The following PPL variants were observed in gnomAD, a reference collection of about 807,000 sequenced individuals.
The protein encoded by PPL is periplakin, also known as 190 kDa paraneoplastic pemphigus antigen.
PPL carries 198 observed loss-of-function variants against 194.4 expected under a neutral mutation model. The observed-to-expected ratio is 1.02, with a 90% confidence interval of 0.91 to 1.15. PPL has a LOEUF of 1.15. Ranked by LOEUF, PPL falls within the 50% of genes most tolerant of loss-of-function variation. The pLI is 0.00. For missense variants in PPL, 2,885 were observed against 2,294.8 expected (o/e 1.26, Z -5.25); for synonymous variants, 1,220 against 972.4 (o/e 1.25, Z -4.74).
chr16:4,887,134 C>T lies in PPL; in HGVS notation c.2607+1G>A, dbSNP rs2088231254. ...TAGAATTTCTTACTAAGATCAGTTA[C>T]CTGTCTGAGGAGATTCAGAGCAAAC... On this transcript the variant is annotated splice_donor_variant, in intron 21 of 21. Transcript: ENST00000345988. LOFTEE classifies it high-confidence loss of function. The T allele has an allele frequency of 6.2e-7, 1 of 1,607,660 alleles. No individual in the cohort carries two copies. The highest frequency in any genetic ancestry group is 1.1e-5 in the South Asian group (1 of 90,958).
At chr16:4,889,323 C>T (rs1310679147) in intron 18 of PPL, among the ~76,000 whole-genome samples, 2 of 137,328 alleles carry the variant, frequency 1.5e-5, no homozygotes, top group South Asian at 5.0e-4. Context: ...GGCGCGATCT[C>T]AGCTCACTGC....
chr16:4,896,493 T>C (rs903320314), intron 9 of PPL, among the ~76,000 whole-genome samples: 4 of 152,046 alleles, frequency 2.6e-5, no homozygotes, highest in South Asian at 2.1e-4. Flanking sequence ...AGGGCAGAGA[T>C]TGCATGATCC....
chr16:4,894,317 T>C, intron 12 of PPL, 150 bp downstream of exon 12: 1 of 990,220 alleles, frequency 1.0e-6, no homozygotes, highest in Non-Finnish European at 1.5e-6. Flanking sequence ...GCCCCTCTCC[T>C]GCATGAACTT....
rs781420537 is a variant in PPL at position 4,899,065 on chromosome 16, C to T, written c.824G>A (p.Ser275Asn). The change falls in exon 8 of 22, where the codon AGC becomes AAC. Residue 275 changes from serine (S) to asparagine (N), a missense_variant. Physicochemically the swap from Ser to Asn is conservative, Grantham distance 46. Coordinates refer to ENST00000345988, the MANE Select transcript of PPL (RefSeq NM_002705.5). ...AKEERINKLH[S>N]EGDQLLAAEH... ...GGCCGCCAGCAGCTGGTCGCCCTCGCTGTGCAGTTTGTTGATTCTCTCCTC... is the reference window on the plus strand; with the variant it reads ...GGCCGCCAGCAGCTGGTCGCCCTCGTTGTGCAGTTTGTTGATTCTCTCCTC... The T allele has an allele frequency of 6.8e-6, 11 of 1,613,110 alleles. No homozygotes were observed. Among genetic ancestry groups the T allele is most frequent in the Non-Finnish European group, 9.3e-6 (11 of 1,179,594 alleles).
In PPL at chr16:4,884,784, C is replaced by G. The variant is rs533695940; in HGVS notation, c.3871G>C (p.Val1291Leu). Residue 1291 changes from valine (V) to leucine (L), a missense_variant, in exon 22 of 22, where the codon GTG (valine) becomes CTG (leucine). By Grantham distance (32) the Val-to-Leu change is conservative. Coordinates refer to ENST00000345988, the MANE Select transcript of PPL (RefSeq NM_002705.5). The surrounding 1 kb of genome is among the most constrained non-coding windows in gnomAD (Gnocchi z 5.7). ...TGGAATTGGAGGATCTCCTGGACCA[C>G]CTCTTTGGTCTGGACCTGGGGTTTG... ...DTKPQVQTKE[V>L]VQEILQFQED... 4 of 1,614,154 alleles carry G rather than the reference C, an allele frequency of 2.5e-6. No individual in the cohort carries two copies. The highest frequency in any genetic ancestry group is 3.4e-6 in the Non-Finnish European group (4 of 1,180,034).
chr16:4,884,319 T>C lies in PPL; in HGVS notation c.4336A>G (p.Lys1446Glu), dbSNP rs779938087. ...TGCGGGTCCTGCTGCAGCACCACCT[T>C]CTGCGTATGGGTTACCTTCTCACGG... ...EAREKVTHTQ[K>E]VVLQQDPQQA... Residue 1446 changes from lysine to glutamate, a missense_variant, in exon 22 of 22, where the codon AAG becomes GAG. By Grantham distance (56) the Lys-to-Glu change is moderately conservative. Transcript: ENST00000345988. The surrounding 1 kb of genome is among the most constrained non-coding windows in gnomAD (Gnocchi z 5.7). 4.3e-6 allele frequency: 7 copies of C among 1,612,636 alleles called. No individual in the cohort carries two copies. The highest frequency in any genetic ancestry group is 1.7e-6 in the Non-Finnish European group (2 of 1,179,646).
Position 4,937,088 on chromosome 16 carries a change from CGCGCACCGAGGGGCGGGCGGGA to C in PPL, c.-65_-44del. 8.0e-7 allele frequency: 1 copy of C among 1,242,476 alleles called. No individual in the cohort carries two copies. The highest frequency in any genetic ancestry group is 1.0e-6 in the Non-Finnish European group (1 of 987,950). The allele number at this position is 1,242,476 out of a possible 1,614,324, so 77.0% of individuals were successfully genotyped here. ...GGGCGGCGGCGGCTGGCGGGCCGGG[CGCGCACCGAGGGGCGGGCGGGA>C]GCGCAGGTGAGCGAGCGGCGGCGCG... On this transcript the variant is annotated 5_prime_UTR_variant, in exon 1 of 22. Transcript: ENST00000345988.
At chr16:4,904,500 A>C (rs1267270972) in intron 2 of PPL, among the ~76,000 whole-genome samples, 1 of 152,150 alleles carries the variant, frequency 6.6e-6, no homozygotes, top group Non-Finnish European at 1.5e-5. Flanking sequence ...GAGGGGACCT[A>C]CTTCAGCTCT....
intron 18 of PPL, 66 bp downstream of exon 18, chr16:4,890,118 G>C: frequency 1.9e-6 from 3 of 1,610,458 alleles, no homozygotes; most frequent in Non-Finnish European, 2.5e-6. Flanking sequence ...CCCCAGAAAG[G>C]GGCTTGTTGA....
In PPL at chr16:4,914,774, G is replaced by A. The variant is rs1476498126; in HGVS notation, c.63-3825C>T. Reference sequence around the variant, plus strand: ...GGCCAGGAAGGCTTAGCAGTGGGGGGCTTTGGATGGAGGATCTCGGTAAGA... The same window carrying A: ...GGCCAGGAAGGCTTAGCAGTGGGGGACTTTGGATGGAGGATCTCGGTAAGA... On this transcript the variant is annotated intron_variant, in intron 1 of 21. Transcript: ENST00000345988. Among the ~76,000 whole-genome samples the A allele has an allele frequency of 4.1e-4, 62 of 152,194 alleles. 1 individual carries two copies. Among genetic ancestry groups the A allele is most frequent in the Admixed American group, 4.0e-3 (61 of 15,280 alleles).
intron 19 of PPL, 182 bp downstream of exon 19, chr16:4,888,796 C>G: frequency 1.6e-6 from 1 of 619,130 alleles, no homozygotes; most frequent in Non-Finnish European, 2.9e-6. Context: ...TTACAGCATT[C>G]CATGTCTAGT....
intron 1 of PPL, among the ~76,000 whole-genome samples, chr16:4,914,091 G>A (rs1306048912): frequency 6.6e-6 from 1 of 152,214 alleles, no homozygotes; most frequent in African/African-American, 2.4e-5. Flanking sequence ...AAAGCAAAAG[G>A]AAGAATTTGG....
Position 4,910,901 on chromosome 16 carries a change from A to G in PPL, c.111T>C (p.Asn37=), listed in dbSNP as rs1266262788. The G allele has an allele frequency of 4.3e-6, 7 of 1,613,800 alleles. No individual in the cohort carries two copies. Among genetic ancestry groups the G allele is most frequent in the Admixed American group, 1.7e-5 (1 of 60,012 alleles). The change falls in exon 2 of 22, where the codon AAT becomes AAC. Residue 37 remains asparagine (N), a synonymous_variant. Transcript: ENST00000345988. The part of the protein sequence containing the change: ...LSELIEQLQK[N]ADQVEKNIVD... ...CGATGTTCTTCTCCACCTGGTCGGC[A>G]TTCTTCTGCAGCTGCTCGATCAGCT...
intron 9 of PPL, among the ~76,000 whole-genome samples, chr16:4,895,983 T>C (rs2088419850): frequency 6.6e-6 from 1 of 152,244 alleles, no homozygotes; most frequent in South Asian, 2.1e-4. Flanking sequence ...TTTTCTTGGA[T>C]GTATCAGTAA....
intron 1 of PPL, among the ~76,000 whole-genome samples, chr16:4,932,398 C>T (rs1274481485): frequency 6.6e-6 from 1 of 151,762 alleles, no homozygotes; most frequent in Non-Finnish European, 1.5e-5. Flanking sequence ...CTGGGCTTGG[C>T]TCAGTCATGA....
intron 1 of PPL, among the ~76,000 whole-genome samples, chr16:4,933,328 T>C (rs2046360434): frequency 6.6e-6 from 1 of 152,178 alleles, no homozygotes; most frequent in Admixed American, 6.5e-5. Context: ...AAGACCCGTC[T>C]AGGCAAGGCC....
rs2088137646 is a variant in PPL at position 4,883,380 on chromosome 16, G to A, written c.*4C>T. ...GCCGTTACGAAGAGTTGCAAGAGCT[G>A]TGCCTACTTCTGCCCAGATACCAAG... On this transcript the variant is annotated 3_prime_UTR_variant, in exon 22 of 22. Transcript: ENST00000345988. This position sits in a 1 kb window ranked among gnomAD's most constrained non-coding sequence, Gnocchi z 4.8. 2 of 1,613,814 alleles carry A rather than the reference G, an allele frequency of 1.2e-6. No homozygotes were observed. Among genetic ancestry groups the A allele is most frequent in the Non-Finnish European group, 1.7e-6 (2 of 1,179,992 alleles).
chr16:4,891,179 C>A (rs2088313692), intron 16 of PPL, among the ~76,000 whole-genome samples: 2 of 152,230 alleles, frequency 1.3e-5, no homozygotes, highest in Non-Finnish European at 2.9e-5. Flanking sequence ...GCGAGAACAG[C>A]CTGCCACTGT....
intron 3 of PPL, among the ~76,000 whole-genome samples, chr16:4,903,662 C>G (rs1341593512): frequency 2.0e-5 from 3 of 151,540 alleles, no homozygotes; most frequent in African/African-American, 7.3e-5. Context: ...AGAGATTGCG[C>G]TGAGCCAAGA....
Sources: gnomAD v4.1 joint callset for allele counts (sites outside exome capture counted in the v4.1 genomes callset) on GRCh38, gnomAD v4.1.1 for gene constraint, Gnocchi (gnomAD v3.1) non-coding constraint, MANE v1.5 for transcripts, NCBI Gene and HGNC (gene_info 2026-07-23, HGNC 2026-07-21) for gene names.